The following CLOCK variants were observed in gnomAD, a reference collection of about 807,000 sequenced individuals.
CLOCK encodes the protein circadian locomoter output cycles protein kaput.
A neutral mutation model predicts 118.4 loss-of-function variants in CLOCK; 43 were observed. That is an observed-to-expected ratio of 0.36 (90% CI 0.28 to 0.47). The LOEUF (loss-of-function observed/expected upper bound fraction) is 0.47, where lower values mean the gene tolerates loss of function less well. Among genes scored for constraint, CLOCK ranks in the 20% least tolerant of loss-of-function variants. CLOCK has a pLI of 1.00. For missense variants in CLOCK, 846 were observed against 999.9 expected, an observed-to-expected ratio of 0.85 and a Z score of 2.08; for synonymous variants, 326 against 339.2, an observed-to-expected ratio of 0.96 and a Z score of 0.43.
At chr4:55,474,218 G>C (rs73153604) in intron 7 of CLOCK, among the ~76,000 whole-genome samples, 2,491 of 152,308 alleles carry the variant, frequency 0.016, 64 homozygotes, top group African/African-American at 0.058. Context: ...GAGAAAGTTT[G>C]AGTGGTCTGT....
At chr4:55,494,950 C>T (rs1019438375) in intron 2 of CLOCK, among the ~76,000 whole-genome samples, 3 of 152,114 alleles carry the variant, frequency 2.0e-5, no homozygotes, top group African/African-American at 7.2e-5. Flanking sequence ...TTGTCTTAAG[C>T]CATTAAGTTT....
intron 1 of CLOCK, among the ~76,000 whole-genome samples, chr4:55,533,017 A>T (rs6815516): frequency 0.42 from 63,154 of 152,038 alleles, 14,729 homozygotes; most frequent in African/African-American, 0.63. Context: ...AAACTGAAAG[A>T]GTTAATACTG....
chr4:55,505,200 G>A (rs1577815824), intron 2 of CLOCK, among the ~76,000 whole-genome samples: 1 of 144,404 alleles, frequency 6.9e-6, no homozygotes, highest in East Asian at 2.0e-4. Context: ...ACTTATACTT[G>A]TGATCACATA....
intron 1 of CLOCK, among the ~76,000 whole-genome samples, chr4:55,512,940 G>C (rs776439858): frequency 1.3e-5 from 2 of 152,086 alleles, no homozygotes; most frequent in Non-Finnish European, 2.9e-5. Flanking sequence ...ATTATAATAT[G>C]GAGCTGAAAA....
At chr4:55,450,332 A>G in intron 15 of CLOCK, 100 bp from the exon 16 acceptor site, 6 of 1,392,728 alleles carry the variant, frequency 4.3e-6, no homozygotes, top group African/African-American at 1.4e-5. Flanking sequence ...GTTTTTGTCT[A>G]TAACAAGGCA....
At chr4:55,528,096 G>A (rs768380948) in intron 1 of CLOCK, among the ~76,000 whole-genome samples, 1 of 150,118 alleles carries the variant, frequency 6.7e-6, no homozygotes, top group Middle Eastern at 3.6e-3. Flanking sequence ...AGTGGCTAAC[G>A]CCTGTAATCC....
chr4:55,508,261 A>T (rs1355821928), intron 2 of CLOCK, among the ~76,000 whole-genome samples: 2 of 152,204 alleles, frequency 1.3e-5, no homozygotes, highest in African/African-American at 4.8e-5. Context: ...GTATTATAGT[A>T]ACATTAAAAC....
At chr4:55,480,360 G>A (rs1001286495) in intron 4 of CLOCK, among the ~76,000 whole-genome samples, 1 of 152,164 alleles carries the variant, frequency 6.6e-6, no homozygotes, top group Non-Finnish European at 1.5e-5. Flanking sequence ...AACCTCCTGG[G>A]TTCAAGAAGT....
At chr4:55,455,793 A>T in intron 13 of CLOCK, 104 bp downstream of exon 13, 1 of 866,552 alleles carries the variant, frequency 1.2e-6, no homozygotes, top group Non-Finnish European at 1.9e-6. Context: ...TATTTCAAAA[A>T]TATGAAAATG....
chr4:55,509,584 A>G (rs1729013350), intron 2 of CLOCK, among the ~76,000 whole-genome samples: 2 of 152,224 alleles, frequency 1.3e-5, no homozygotes, highest in Admixed American at 1.3e-4. Context: ...CCTGGCAGGA[A>G]ATAATTCTTA....
chr4:55,474,946 C>T (rs988360513), intron 7 of CLOCK, among the ~76,000 whole-genome samples: 22 of 152,208 alleles, frequency 1.4e-4, no homozygotes, highest in African/African-American at 5.3e-4. Context: ...ACCCATTCTG[C>T]AGCCCATGGG....
In CLOCK at chr4:55,448,543, C is replaced by T. The variant is rs534593796; in HGVS notation, c.1539+236G>A. Reference sequence around the variant, plus strand: ...TGTCCCCAGATATCCTAAATGACCCCAGTTAAGATTCACTGCATCTGTAAC... The same window carrying T: ...TGTCCCCAGATATCCTAAATGACCCTAGTTAAGATTCACTGCATCTGTAAC... On this transcript the variant is annotated intron_variant, in intron 18 of 22. Coordinates refer to ENST00000513440, the MANE Select transcript of CLOCK (RefSeq NM_004898.4). Among the ~76,000 whole-genome samples the T allele has an allele frequency of 5.9e-5, 9 of 151,982 alleles. 1 individual carries two copies. The South Asian group carries it at 1.9e-3, about 32-fold the overall frequency.
intron 18 of CLOCK, among the ~76,000 whole-genome samples, 178 bp downstream of exon 18, chr4:55,448,600 GC>G (rs1724124549): frequency 1.9e-5 from 1 of 52,062 alleles, no homozygotes. Context: ...GCGCACGCGC[GC>G]GTGTGTGTGT....
chr4:55,460,354 T>C lies in CLOCK; in HGVS notation c.560-1093A>G, dbSNP rs1280501106. On this transcript the variant is annotated intron_variant, in intron 9 of 22. Coordinates refer to ENST00000513440, the MANE Select transcript of CLOCK (RefSeq NM_004898.4). ...GCATTTTACGTGAGACAAAGTTACC[T>C]ATCATTTGCTTTCAGGACATTCGAA... Among the ~76,000 whole-genome samples the C allele has an allele frequency of 2.6e-5, 4 of 152,366 alleles. No homozygotes were observed. The South Asian group carries it at 6.2e-4, about 24-fold the overall frequency.
At chr4:55,440,069 G>A (rs1723233360) in intron 21 of CLOCK, among the ~76,000 whole-genome samples, 1 of 151,628 alleles carries the variant, frequency 6.6e-6, no homozygotes, top group African/African-American at 2.4e-5. Context: ...AAATTACTAG[G>A]TACTAGGGGT....
intron 1 of CLOCK, among the ~76,000 whole-genome samples, chr4:55,526,217 T>C (rs552500820): frequency 6.6e-6 from 1 of 152,124 alleles, no homozygotes; most frequent in Non-Finnish European, 1.5e-5. Flanking sequence ...TATTTCAAGG[T>C]AGGCAAAGGG....
intron 1 of CLOCK, among the ~76,000 whole-genome samples, chr4:55,515,819 C>A (rs971891198): frequency 6.6e-6 from 1 of 152,114 alleles, no homozygotes. Context: ...ATAAATTTCC[C>A]TCTAGGCATT....
chr4:55,458,350 C>T (rs888142741), intron 11 of CLOCK, among the ~76,000 whole-genome samples: 9 of 152,182 alleles, frequency 5.9e-5, no homozygotes, highest in African/African-American at 1.9e-4. Context: ...GCATGAGTCA[C>T]CTCGCCTGGC....
intron 11 of CLOCK, among the ~76,000 whole-genome samples, chr4:55,458,368 A>C (rs1010777539): frequency 6.6e-6 from 1 of 152,074 alleles, no homozygotes; most frequent in Admixed American, 6.6e-5. Flanking sequence ...GGCCCCGCCG[A>C]AATTTTAAAT....
Sources: gnomAD v4.1 joint callset for allele counts (sites outside exome capture counted in the v4.1 genomes callset) on GRCh38, gnomAD v4.1.1 for gene constraint, MANE v1.5 for transcripts, NCBI Gene and HGNC (gene_info 2026-07-23, HGNC 2026-07-21) for gene names.